The following FMN1 variants were observed in gnomAD, a reference collection of about 807,000 sequenced individuals.
FMN1 encodes formin 1.
In FMN1, 110 loss-of-function variants were observed where a neutral mutation model predicts 132.4. The ratio of observed to expected loss-of-function variants is 0.83; its 90% confidence interval spans 0.71 to 0.97. The LOEUF is 0.97. Ranked by LOEUF, FMN1 falls within the 50% of genes least tolerant of loss-of-function variation. The probability of loss-of-function intolerance (pLI) is 0.00; values close to 1 mark genes in which losing one functional copy is unlikely to be tolerated. For synonymous variants in FMN1, 722 were observed against 651.7 expected (o/e 1.11, Z -1.64); for missense variants, 1,792 against 1,705.3 (o/e 1.05, Z -0.90).
intron 17 of FMN1, among the ~76,000 whole-genome samples, chr15:32,835,848 T>A (rs1331082981): frequency 6.6e-6 from 1 of 152,136 alleles, no homozygotes; most frequent in Admixed American, 6.5e-5. Flanking sequence ...TTCTTCTTTT[T>A]CTGTTTTTAT....
chr15:33,057,512 G>C (rs2037272799), intron 6 of FMN1, among the ~76,000 whole-genome samples: 1 of 152,110 alleles, frequency 6.6e-6, no homozygotes, highest in African/African-American at 2.4e-5. Context: ...CCTTTTTAGA[G>C]ACAAGGATGA....
Position 33,065,052 on chromosome 15 carries a change from T to TG in FMN1, c.2065dup (p.Gln689ProfsTer3), listed in dbSNP as rs772171566. Reference sequence around the variant, plus strand: ...AAGTCTGCCAGGAGTCCTGTCATCCTGCTCAGTCAGGCTGTGGTCAGGCTG... The same window carrying TG: ...AAGTCTGCCAGGAGTCCTGTCATCCTGGCTCAGTCAGGCTGTGGTCAGGCTG... On this transcript the variant is annotated frameshift_variant, in exon 6 of 21. Transcript: ENST00000616417. LOFTEE classifies it high-confidence loss of function. 6.2e-7 allele frequency: 1 copy of TG among 1,610,666 alleles called. No homozygotes were observed.
intron 4 of FMN1, among the ~76,000 whole-genome samples, chr15:33,118,349 C>T (rs2040008164): frequency 6.6e-6 from 1 of 152,010 alleles, no homozygotes; most frequent in African/African-American, 2.4e-5. Context: ...TGTCCAAACA[C>T]AAAAATTCTC....
chr15:32,795,586 T>TGGGG (rs199714161), intron 19 of FMN1, among the ~76,000 whole-genome samples: 2 of 136,028 alleles, frequency 1.5e-5, no homozygotes, highest in African/African-American at 6.0e-5. Context: ...AGCCAATTAA[T>TGGGG]GGGGGTGGGG....
chr15:32,981,543 A>AATAATTATT lies in FMN1; in HGVS notation c.2224-12067_2224-12066insAATAATTAT, dbSNP rs574939662. Among the ~76,000 whole-genome samples, 150 of 138,394 alleles carry AATAATTATT rather than the reference A, an allele frequency of 1.1e-3. 1 individual carries two copies. Among genetic ancestry groups the AATAATTATT allele is most frequent in the East Asian group, 9.2e-3 (45 of 4,872 alleles). 90.8% of individuals were successfully genotyped at this position (138,394 alleles called of 152,430 possible). On this transcript the variant is annotated intron_variant, in intron 7 of 20. Transcript: ENST00000616417. ...AAATAATAATAATAATAATAATAATAATTATTATTATTATTATTATTACAT... is the reference window on the plus strand; with the variant it reads ...AAATAATAATAATAATAATAATAATAATAATTATTATTATTATTATTATTATTATTACAT...
intron 16 of FMN1, among the ~76,000 whole-genome samples, chr15:32,883,452 G>A (rs1483937532): frequency 1.5e-5 from 2 of 130,660 alleles, no homozygotes; most frequent in Non-Finnish European, 3.1e-5. Flanking sequence ...TGAGGTTTCA[G>A]TGAGCCATGA....
chr15:33,054,662 C>G (rs1358064007), intron 6 of FMN1, among the ~76,000 whole-genome samples: 3 of 152,172 alleles, frequency 2.0e-5, no homozygotes, highest in Non-Finnish European at 2.9e-5. Context: ...AAACTAAACA[C>G]TTTGCAAACA....
At chr15:33,173,607 T>C (rs1965407713) in intron 3 of FMN1, among the ~76,000 whole-genome samples, 1 of 152,180 alleles carries the variant, frequency 6.6e-6, no homozygotes, top group Non-Finnish European at 1.5e-5. Flanking sequence ...GAAAATATGA[T>C]TGGTCCAATT....
intron 15 of FMN1, among the ~76,000 whole-genome samples, chr15:32,895,082 G>A (rs1181804003): frequency 2.6e-5 from 4 of 151,964 alleles, no homozygotes; most frequent in Non-Finnish European, 4.4e-5. Flanking sequence ...GCTATCATAA[G>A]CTATTATAAG....
chr15:32,965,392 T>C (rs894520391), intron 8 of FMN1, among the ~76,000 whole-genome samples: 2 of 151,784 alleles, frequency 1.3e-5, no homozygotes, highest in Non-Finnish European at 2.9e-5. Flanking sequence ...AGAACAAGAG[T>C]CCATCTCAAA....
rs534993752 is a variant in FMN1 at position 32,857,756 on chromosome 15, A to C, written c.3836-649T>G. Among the ~76,000 whole-genome samples the C allele has an allele frequency of 2.0e-5, 3 of 152,202 alleles. No homozygotes were observed. The South Asian group carries it at 6.2e-4, about 31-fold the overall frequency. On this transcript the variant is annotated intron_variant, in intron 16 of 20. Transcript: ENST00000616417. The stretch of plus-strand genomic sequence containing the variant: ...AATTTGTAATAGAGTACTTTTTGAT[A>C]ATCAGGTCTGAGGTGACTTGACTTT...
At chr15:32,981,544 AT>A (rs34243958) in intron 7 of FMN1, among the ~76,000 whole-genome samples, 22 of 90,530 alleles carry the variant, frequency 2.4e-4, no homozygotes, top group South Asian at 8.7e-4. Flanking sequence ...AATAATAATA[AT>A]TATTATTATT....
intron 2 of FMN1, among the ~76,000 whole-genome samples, chr15:33,190,896 C>A (rs150188174): frequency 6.6e-6 from 1 of 152,082 alleles, no homozygotes; most frequent in Non-Finnish European, 1.5e-5. Context: ...GCTGGCCGGA[C>A]GTGGTAACTC....
chr15:32,810,968 C>A (rs770924850), intron 17 of FMN1: 3 of 456,184 alleles, frequency 6.6e-6, no homozygotes, highest in South Asian at 4.6e-5. Context: ...AAAGGGACTG[C>A]GCTCTGCTTC....
chr15:33,128,477 A>C (rs1470200949), intron 4 of FMN1, among the ~76,000 whole-genome samples: 1 of 152,198 alleles, frequency 6.6e-6, no homozygotes, highest in Non-Finnish European at 1.5e-5. Context: ...TCCATTTATA[A>C]AAAGCCTCAT....
At chr15:32,836,597 T>C (rs1401427071) in intron 17 of FMN1, among the ~76,000 whole-genome samples, 2 of 152,114 alleles carry the variant, frequency 1.3e-5, no homozygotes, top group Non-Finnish European at 2.9e-5. Context: ...CTTACAAACT[T>C]GTAAAATGAA....
chr15:32,874,617 G>A lies in FMN1; in HGVS notation c.3835+13555C>T, dbSNP rs538731382. 7.9e-5 allele frequency among the ~76,000 whole-genome samples: 12 copies of A among 152,224 alleles called. No individual in the cohort carries two copies. In the East Asian group the frequency reaches 2.3e-3, roughly 29 times the overall value. ...TGACAAGTATTATCTCTGTTCTCAG[G>A]TACAGTCAGATTCCTGTTCCTGAGC... On this transcript the variant is annotated intron_variant, in intron 16 of 20. Coordinates refer to ENST00000616417, the MANE Select transcript of FMN1 (RefSeq NM_001277313.2).
chr15:32,785,196 G>GTATATATA (rs1443417858), intron 19 of FMN1, among the ~76,000 whole-genome samples: 3 of 25,844 alleles, frequency 1.2e-4, no homozygotes, highest in African/African-American at 2.8e-4. Flanking sequence ...GTGTGTGTGT[G>GTATATATA]TGTGTATATA....
intron 6 of FMN1, chr15:33,063,759 C>A (rs1480019815): frequency 6.6e-6 from 1 of 152,230 alleles, no homozygotes; most frequent in Non-Finnish European, 1.5e-5. Context: ...TACTTCTATG[C>A]TTCAATTACC....
Sources: gnomAD v4.1 joint callset for allele counts (sites outside exome capture counted in the v4.1 genomes callset) on GRCh38, gnomAD v4.1.1 for gene constraint, MANE v1.5 for transcripts, NCBI Gene and HGNC (gene_info 2026-07-23, HGNC 2026-07-21) for gene names.